The following SND1 variants were observed in gnomAD, a reference collection of about 807,000 sequenced individuals.
SND1 encodes the protein staphylococcal nuclease domain-containing protein 1.
Under a neutral mutation model 121.7 loss-of-function variants are expected in SND1, and 38 were observed. That is an observed-to-expected ratio of 0.31 (90% CI 0.24 to 0.41). The LOEUF (loss-of-function observed/expected upper bound fraction) is 0.41. SND1 is among the 10% of genes least tolerant of loss of function. The pLI, the probability that SND1 is intolerant of heterozygous loss-of-function variation, is 1.00. For synonymous variants in SND1, 401 were observed against 447.4 expected (o/e 0.90, Z 1.31); for missense variants, 868 against 1,184.6 (o/e 0.73, Z 3.92).
chr7:127,727,551 C>T (rs1043588557), intron 10 of SND1, among the ~76,000 whole-genome samples: 14 of 152,094 alleles, frequency 9.2e-5, no homozygotes, highest in African/African-American at 2.2e-4. Flanking sequence ...GGCCAGTAAA[C>T]CCACTCACTG....
intron 9 of SND1, among the ~76,000 whole-genome samples, chr7:127,710,149 G>T (rs955005857): frequency 1.3e-5 from 2 of 152,104 alleles, no homozygotes; most frequent in African/African-American, 4.8e-5. Flanking sequence ...ATCGTGGCAT[G>T]TGAAAATTAT....
At position 128,052,541 on chromosome 7, in the gene SND1, G is replaced by C. The variant is rs1197442806; in HGVS notation, c.1780-21961G>C. ...AGTCATCCTGGCCCCAGACAGAGCT[G>C]TCTTCCAAGTCACGGATGTTGACGA... On this transcript the variant is annotated intron_variant, in intron 16 of 23. Coordinates refer to ENST00000354725, the MANE Select transcript of SND1 (RefSeq NM_014390.4). The surrounding 1 kb of genome is among the most constrained non-coding windows in gnomAD (Gnocchi z 4.6). Among the ~76,000 whole-genome samples the C allele has an allele frequency of 6.6e-6, 1 of 152,246 alleles. No homozygotes were observed. Among genetic ancestry groups the C allele is most frequent in the East Asian group, 1.9e-4 (1 of 5,198 alleles).
At chr7:127,931,592 A>G (rs1800956551) in intron 15 of SND1, among the ~76,000 whole-genome samples, 1 of 152,034 alleles carries the variant, frequency 6.6e-6, no homozygotes, top group Non-Finnish European at 1.5e-5. Flanking sequence ...AGTGTAGATG[A>G]AACAGCCTTC....
chr7:128,004,569 T>C (rs1412187456), intron 16 of SND1, among the ~76,000 whole-genome samples: 1 of 152,242 alleles, frequency 6.6e-6, no homozygotes, highest in Non-Finnish European at 1.5e-5. Context: ...TTTCTGGACA[T>C]GAGTAGAGTA....
intron 10 of SND1, among the ~76,000 whole-genome samples, chr7:127,785,970 A>G (rs1221224868): frequency 6.6e-6 from 1 of 152,232 alleles, no homozygotes; most frequent in African/African-American, 2.4e-5. Context: ...AGAAAATAAA[A>G]CAATTATTTG....
chr7:128,033,714 A>G (rs1792694838), intron 16 of SND1, among the ~76,000 whole-genome samples: 2 of 151,944 alleles, frequency 1.3e-5, no homozygotes, highest in South Asian at 4.1e-4. Context: ...TTGAACCCTT[A>G]CTCTGTATTC....
intron 22 of SND1, 48 bp from the exon 23 acceptor site, chr7:128,091,789 C>T (rs747561729): frequency 5.0e-6 from 8 of 1,602,728 alleles, no homozygotes; most frequent in Admixed American, 1.7e-5. Context: ...GCTGGCTGAT[C>T]ATTTGAGGGC....
intron 10 of SND1, among the ~76,000 whole-genome samples, chr7:127,743,660 T>G (rs1407452745): frequency 6.6e-6 from 1 of 152,214 alleles, no homozygotes; most frequent in Non-Finnish European, 1.5e-5. Flanking sequence ...GATGGTGAAC[T>G]TGAGATGGTC....
intron 12 of SND1, among the ~76,000 whole-genome samples, chr7:127,869,030 A>G (rs1243560381): frequency 1.3e-5 from 2 of 152,138 alleles, no homozygotes; most frequent in African/African-American, 4.8e-5. Context: ...GTAAAGATAT[A>G]TAGGTGATGA....
At chr7:127,775,761 G>A (rs1027091187) in intron 10 of SND1, among the ~76,000 whole-genome samples, 1 of 152,050 alleles carries the variant, frequency 6.6e-6, no homozygotes, top group South Asian at 2.1e-4. Flanking sequence ...TTACTCAGCT[G>A]CCCTAAACTC....
chr7:127,716,929 C>T (rs1391546830), intron 9 of SND1, among the ~76,000 whole-genome samples: 1 of 152,168 alleles, frequency 6.6e-6, no homozygotes. Flanking sequence ...AAGGTGGGCT[C>T]TGCTGAACCA....
chr7:128,067,854 C>T (rs1043219534), intron 16 of SND1, among the ~76,000 whole-genome samples: 4 of 151,946 alleles, frequency 2.6e-5, no homozygotes, highest in African/African-American at 7.3e-5. Flanking sequence ...CCTGTGTGAA[C>T]GCTCTCCTTT....
At chr7:128,017,710 C>T (rs1803257020) in intron 16 of SND1, among the ~76,000 whole-genome samples, 1 of 152,234 alleles carries the variant, frequency 6.6e-6, no homozygotes, top group Non-Finnish European at 1.5e-5. Flanking sequence ...AAACTCTTTA[C>T]CCTTGTGGTA....
At chr7:127,860,589 G>A (rs1799358696) in intron 12 of SND1, among the ~76,000 whole-genome samples, 1 of 152,150 alleles carries the variant, frequency 6.6e-6, no homozygotes, top group Non-Finnish European at 1.5e-5. Context: ...TAGTGAATTT[G>A]GACCTGTAAG....
At chr7:127,830,261 T>C (rs1798714353) in intron 11 of SND1, among the ~76,000 whole-genome samples, 1 of 152,056 alleles carries the variant, frequency 6.6e-6, no homozygotes, top group South Asian at 2.1e-4. Flanking sequence ...TGGGCGCCTG[T>C]AGTCCCAGCT....
intron 11 of SND1, among the ~76,000 whole-genome samples, chr7:127,826,672 T>C (rs1301529037): frequency 6.6e-6 from 1 of 152,246 alleles, no homozygotes; most frequent in African/African-American, 2.4e-5. Context: ...TTTTTTATCT[T>C]AAATACCATT....
chr7:127,700,035 G>C (rs1209043163), intron 4 of SND1, among the ~76,000 whole-genome samples: 1 of 152,110 alleles, frequency 6.6e-6, no homozygotes, highest in Non-Finnish European at 1.5e-5. Flanking sequence ...TACTTGTTTT[G>C]GTGGTGTTTT....
rs567647795 is a variant in SND1, at chr7:127,721,949, C to A, written c.1152+549C>A. ...TTGGCAGATAGGTTGGTGTATGACTCAGGTATATCATTTTTGAGAAATGCT... is the reference window on the plus strand; with the variant it reads ...TTGGCAGATAGGTTGGTGTATGACTAAGGTATATCATTTTTGAGAAATGCT... On this transcript the variant is annotated intron_variant, in intron 10 of 23. Transcript: ENST00000354725. Among the ~76,000 whole-genome samples, 16 of 152,208 alleles carry A rather than the reference C, an allele frequency of 1.1e-4. No homozygotes were observed. In the South Asian group the frequency reaches 3.3e-3, roughly 32 times the overall value.
chr7:128,033,006 C>T (rs1299480648), intron 16 of SND1, among the ~76,000 whole-genome samples: 1 of 152,182 alleles, frequency 6.6e-6, no homozygotes, highest in African/African-American at 2.4e-5. Flanking sequence ...GGAGCTGCAG[C>T]CGCGGCTTCT....
Sources: allele counts gnomAD v4.1 joint callset (sites outside exome capture counted in the v4.1 genomes callset), GRCh38; gene constraint gnomAD v4.1.1; non-coding constraint Gnocchi (gnomAD v3.1); transcripts MANE v1.5; gene names NCBI Gene and HGNC (gene_info 2026-07-23, HGNC 2026-07-21).